The following SLC36A2 variants were observed in gnomAD, a reference collection of about 807,000 sequenced individuals.
SLC36A2 encodes the protein solute carrier family 36 member 2, also known as proton-coupled amino acid transporter 2.
A neutral mutation model predicts 42.7 loss-of-function variants in SLC36A2; 39 were observed. That is an observed-to-expected ratio of 0.91 (90% CI 0.71 to 1.19). The LOEUF is 1.19. Ranked by LOEUF, SLC36A2 falls within the 50% of genes most tolerant of loss-of-function variation. The probability of loss-of-function intolerance (pLI) is 0.00; values close to 1 mark genes in which losing one functional copy is unlikely to be tolerated. For missense variants in SLC36A2, 590 were observed against 613.7 expected, an observed-to-expected ratio of 0.96 and a Z score of 0.41; for synonymous variants, 237 against 240.8, an observed-to-expected ratio of 0.98 and a Z score of 0.15.
chr5:151,336,909 T>A (rs1476554943), intron 5 of SLC36A2, among the ~76,000 whole-genome samples: 1 of 152,232 alleles, frequency 6.6e-6, no homozygotes, highest in Non-Finnish European at 1.5e-5. Flanking sequence ...AGGATACTCA[T>A]CTATATATTT....
rs1468190333 is a variant in SLC36A2, at chr5:151,318,227, C to T, written c.1181-1139G>A. Among the ~76,000 whole-genome samples, 6 of 151,822 alleles carry T rather than the reference C, an allele frequency of 4.0e-5. No homozygotes were observed. The East Asian group carries it at 1.2e-3, about 29-fold the overall frequency. Reference sequence around the variant, plus strand: ...ATGCTACCGAGGTGCATTTTGGATCCTTACATATCCAACAAAACTTAAGCT... The same window carrying T: ...ATGCTACCGAGGTGCATTTTGGATCTTTACATATCCAACAAAACTTAAGCT... On this transcript the variant is annotated intron_variant, in intron 9 of 9. Transcript: ENST00000335244.
intron 7 of SLC36A2, among the ~76,000 whole-genome samples, chr5:151,328,200 A>G (rs1416221857): frequency 6.6e-6 from 1 of 152,216 alleles, no homozygotes; most frequent in Admixed American, 6.5e-5. Context: ...TTCCATCTAG[A>G]TGAAGTAAGC....
rs1756244872 is a variant in SLC36A2, at chr5:151,339,092, A to C, written c.493T>G (p.Tyr165Asp). ...AAATTATCAGCCAAAAACACAATGT[A>C]CACACAGCAGAAGCCAAGTTGGGTG... The part of the protein sequence containing the change: ...IITQLGFCCV[Y>D]IVFLADNLKQ... Residue 165 changes from tyrosine (Y) to aspartate (D), a missense_variant, in exon 5 of 10, where the codon TAC becomes GAC. Physicochemically the swap from Tyr to Asp is radical, Grantham distance 160 (BLOSUM62 -3). Transcript: ENST00000335244. The C allele has an allele frequency of 6.2e-7, 1 of 1,610,714 alleles. No individual in the cohort carries two copies. Among genetic ancestry groups the C allele is most frequent in the African/African-American group, 1.3e-5 (1 of 74,856 alleles).
intron 6 of SLC36A2, among the ~76,000 whole-genome samples, 178 bp downstream of exon 6, chr5:151,335,151 A>G (rs989652361): frequency 1.4e-4 from 22 of 152,208 alleles, no homozygotes; most frequent in African/African-American, 5.1e-4. Flanking sequence ...CAAGGAGACA[A>G]TCAGAAGAAT....
chr5:151,329,389 T>C (rs1286079850), intron 7 of SLC36A2, among the ~76,000 whole-genome samples: 2 of 152,194 alleles, frequency 1.3e-5, no homozygotes, highest in Non-Finnish European at 2.9e-5. Flanking sequence ...TCAAAATGCA[T>C]AGGATACAGT....
chr5:151,325,674 G>C (rs1260990494), intron 7 of SLC36A2, among the ~76,000 whole-genome samples: 14 of 152,186 alleles, frequency 9.2e-5, no homozygotes, highest in Admixed American at 9.2e-4. Context: ...GTGTATCCAT[G>C]CAATGGAACG....
chr5:151,316,137 A>G lies in SLC36A2; in HGVS notation c.*680T>C, dbSNP rs1409557791. The G allele has an allele frequency of 6.6e-6, 1 of 152,410 alleles. No individual in the cohort carries two copies. The highest frequency in any genetic ancestry group is 2.4e-5 in the African/African-American group (1 of 41,446). 9.4% of individuals were successfully genotyped at this position (152,410 alleles called of 1,614,324 possible). On this transcript the variant is annotated 3_prime_UTR_variant, in exon 10 of 10. Coordinates refer to ENST00000335244, the MANE Select transcript of SLC36A2 (RefSeq NM_181776.3). ...AAAGGGAAAACCGGTTGTCTGCCAAAGTGTGGACAGTCTTAGCTGGCTGCA... is the reference window on the plus strand; with the variant it reads ...AAAGGGAAAACCGGTTGTCTGCCAAGGTGTGGACAGTCTTAGCTGGCTGCA...
chr5:151,320,657 C>T (rs1290515540), intron 9 of SLC36A2, among the ~76,000 whole-genome samples: 4 of 152,184 alleles, frequency 2.6e-5, no homozygotes. Context: ...TGGGAATGAC[C>T]TCAGCCAATA....
rs76832372 is a variant in SLC36A2, at chr5:151,328,701, G to A, written c.844-3249C>T. 3.7e-3 allele frequency among the ~76,000 whole-genome samples: 568 copies of A among 152,284 alleles called. 7 individuals are homozygous for A. The highest frequency in any genetic ancestry group is 0.013 in the African/African-American group (532 of 41,566). Reference sequence around the variant, plus strand: ...CTAGGAAAATTGGCTTTAGGAGTCTGAAGAGTGTGGGAAATCAGTACTGGC... The same window carrying A: ...CTAGGAAAATTGGCTTTAGGAGTCTAAAGAGTGTGGGAAATCAGTACTGGC... On this transcript the variant is annotated intron_variant, in intron 7 of 9. Transcript: ENST00000335244.
At chr5:151,327,654 T>C (rs1162929391) in intron 7 of SLC36A2, among the ~76,000 whole-genome samples, 1 of 152,210 alleles carries the variant, frequency 6.6e-6, no homozygotes, top group Non-Finnish European at 1.5e-5. Flanking sequence ...CAACCTGAGC[T>C]CTTGCACCCT....
At chr5:151,326,436 C>T (rs1417933409) in intron 7 of SLC36A2, among the ~76,000 whole-genome samples, 2 of 152,182 alleles carry the variant, frequency 1.3e-5, no homozygotes, top group Non-Finnish European at 2.9e-5. Context: ...GGCTGAGACT[C>T]CAGGAACACA....
In SLC36A2 at chr5:151,343,577, C is replaced by G. The variant is rs778701033; in HGVS notation, c.277G>C (p.Val93Leu). 2.5e-6 allele frequency: 4 copies of G among 1,614,124 alleles called. No homozygotes were observed. The South Asian group carries it at 4.4e-5, about 18-fold the overall frequency. The change falls in exon 3 of 10, where the codon GTG (valine) becomes CTG (leucine). Residue 93 changes from valine to leucine, a missense_variant. Physicochemically the swap from Val to Leu is conservative, Grantham distance 32 (BLOSUM62 1). Coordinates refer to ENST00000335244, the MANE Select transcript of SLC36A2 (RefSeq NM_181776.3). Reference protein sequence around the residue: ...GILMGPLSLLVMGFIACHCMH... With the variant: ...GILMGPLSLLLMGFIACHCMH... Reference sequence around the variant, plus strand: ...CAGTGGCAGGCAATGAAGCCCATCACCAGCAGACTGAGTGGGCCCATCTGG... The same window carrying G: ...CAGTGGCAGGCAATGAAGCCCATCAGCAGCAGACTGAGTGGGCCCATCTGG...
At chr5:151,334,819 G>T (rs1438570335) in intron 6 of SLC36A2, among the ~76,000 whole-genome samples, 1 of 152,008 alleles carries the variant, frequency 6.6e-6, no homozygotes, top group Non-Finnish European at 1.5e-5. Context: ...TAATAGATTT[G>T]CTTATAGTTT....
At position 151,321,832 on chromosome 5, in the gene SLC36A2, C is replaced by A. The variant is rs577101904; in HGVS notation, c.1180+214G>T. 7 of 529,284 alleles carry A rather than the reference C, an allele frequency of 1.3e-5. No individual in the cohort carries two copies. The East Asian group carries it at 2.3e-4, about 17-fold the overall frequency. The allele number at this position is 529,284 out of a possible 1,614,324, so 32.8% of individuals were successfully genotyped here. ...AGCTGGGATTACAGGCACGTGCCAC[C>A]ACGCCTGGTTAATTGTTGTATTTTT... On this transcript the variant is annotated intron_variant, in intron 9 of 9. Coordinates refer to ENST00000335244, the MANE Select transcript of SLC36A2 (RefSeq NM_181776.3).
intron 4 of SLC36A2, among the ~76,000 whole-genome samples, chr5:151,340,265 T>G (rs1292538249): frequency 3.3e-4 from 37 of 111,064 alleles, no homozygotes; most frequent in East Asian, 7.6e-4. Flanking sequence ...GAGGAGGAGG[T>G]GGAAGAAGAA....
chr5:151,343,813 G>T (rs1050560676), intron 2 of SLC36A2, among the ~76,000 whole-genome samples: 10 of 152,264 alleles, frequency 6.6e-5, no homozygotes, highest in Admixed American at 2.0e-4. Context: ...TTACAATGGG[G>T]TATACTGATG....
At chr5:151,328,939 C>T (rs974940798) in intron 7 of SLC36A2, among the ~76,000 whole-genome samples, 7 of 152,174 alleles carry the variant, frequency 4.6e-5, no homozygotes, top group Admixed American at 3.3e-4. Context: ...CAGAGGCAGA[C>T]TTGGTCACAG....
At chr5:151,344,124 T>C in intron 2 of SLC36A2, 53 bp downstream of exon 2, 1 of 1,543,624 alleles carries the variant, frequency 6.5e-7, no homozygotes, top group Non-Finnish European at 8.9e-7. Context: ...CCTCTCCTCT[T>C]ACTTCCCTTC....
At chr5:151,341,277 A>G (rs1756336984) in intron 4 of SLC36A2, among the ~76,000 whole-genome samples, 1 of 152,200 alleles carries the variant, frequency 6.6e-6, no homozygotes, top group Admixed American at 6.5e-5. Context: ...TGGGTCACAC[A>G]ATTGGGAAAA....
Sources: gnomAD v4.1 joint callset for allele counts (sites outside exome capture counted in the v4.1 genomes callset) on GRCh38, gnomAD v4.1.1 for gene constraint, MANE v1.5 for transcripts, NCBI Gene and HGNC (gene_info 2026-07-23, HGNC 2026-07-21) for gene names.